Variants in VPS50 observed in about 807,000 individuals in gnomAD.
VPS50 encodes the protein VPS50 subunit of EARP/GARPII complex.
In VPS50, 70 loss-of-function variants were observed where a neutral mutation model predicts 139.7. That is an observed-to-expected ratio of 0.50 (90% CI 0.41 to 0.61). The LOEUF is 0.61. Ranked by LOEUF, VPS50 falls within the 20% of genes least tolerant of loss-of-function variation. VPS50 has a pLI of 0.00. For synonymous variants in VPS50, 365 were observed against 376.7 expected (o/e 0.97, Z 0.36); for missense variants, 921 against 1,133.7 (o/e 0.81, Z 2.69).
At chr7:93,345,574 C>T (rs936551924) in intron 23 of VPS50, among the ~76,000 whole-genome samples, 12 of 152,116 alleles carry the variant, frequency 7.9e-5, no homozygotes, top group Admixed American at 4.6e-4. Context: ...TGCAAAAATC[C>T]TTAATAAAAT....
chr7:93,287,629 G>A (rs1435187660), intron 12 of VPS50, among the ~76,000 whole-genome samples: 1 of 151,946 alleles, frequency 6.6e-6, no homozygotes, highest in African/African-American at 2.4e-5. Flanking sequence ...TTATCTACCA[G>A]AAAGAATGTT....
At chr7:93,331,885 C>T (rs1207965599) in intron 21 of VPS50, among the ~76,000 whole-genome samples, 1 of 152,024 alleles carries the variant, frequency 6.6e-6, no homozygotes, top group African/African-American at 2.4e-5. Context: ...AGAAAACAAC[C>T]CACGTAAAAA....
At chr7:93,343,740 G>A (rs912085830) in intron 23 of VPS50, among the ~76,000 whole-genome samples, 1 of 152,104 alleles carries the variant, frequency 6.6e-6, no homozygotes, top group Non-Finnish European at 1.5e-5. Flanking sequence ...AGCTTCATAA[G>A]TGAAGGAGAA....
rs1388332444 is a variant in VPS50, at chr7:93,283,251, G to A, written c.942+6946G>A. 5.5e-5 allele frequency among the ~76,000 whole-genome samples: 8 copies of A among 146,518 alleles called. No individual in the cohort carries two copies. The East Asian group carries it at 5.9e-4, about 11-fold the overall frequency. On this transcript the variant is annotated intron_variant, in intron 12 of 27. Coordinates refer to ENST00000305866, the MANE Select transcript of VPS50 (RefSeq NM_017667.4). ...CTTTTCTTTTTTTTTTTTTTGAGGC[G>A]GAGTCTCCCTCTGTTGCCTGGGCTG...
chr7:93,278,189 C>T (rs1482345886), intron 12 of VPS50, among the ~76,000 whole-genome samples: 1 of 152,146 alleles, frequency 6.6e-6, no homozygotes, highest in Non-Finnish European at 1.5e-5. Flanking sequence ...GAAAGCCCCT[C>T]TGTGCATTTA....
At chr7:93,246,005 A>G in intron 2 of VPS50, 2 of 710,308 alleles carry the variant, frequency 2.8e-6, no homozygotes, top group South Asian at 1.6e-5. Flanking sequence ...TGACTTTTGT[A>G]ATACTGACTG....
At chr7:93,250,837 C>A (rs10953094) in intron 2 of VPS50, among the ~76,000 whole-genome samples, 31,956 of 151,938 alleles carry the variant, frequency 0.21, 5,152 homozygotes, top group African/African-American at 0.43. Context: ...AGAAATTAAA[C>A]AAATTTACAA....
intron 14 of VPS50, among the ~76,000 whole-genome samples, chr7:93,296,503 C>T (rs1392687612): frequency 6.6e-6 from 1 of 152,116 alleles, no homozygotes. Context: ...ACTGACTTAG[C>T]ACTTTATGTA....
In VPS50 at chr7:93,253,936, GT is replaced by G; in HGVS notation, c.297+6del. The stretch of plus-strand genomic sequence containing the variant: ...TTGAAACAACAGCAAGCTGCAGTAA[GT>G]AAAAAAAAAACACATTTCTTTCTGG... On this transcript the variant is annotated splice_donor_region_variant and intron_variant, in intron 4 of 27. Transcript: ENST00000305866. 6.6e-7 allele frequency: 1 copy of G among 1,523,414 alleles called. No individual in the cohort carries two copies. The highest frequency in any genetic ancestry group is 9.0e-7 in the Non-Finnish European group (1 of 1,110,520). 94.4% of individuals were successfully genotyped at this position (1,523,414 alleles called of 1,614,324 possible).
At position 93,303,459 on chromosome 7, in the gene VPS50, G is replaced by T; in HGVS notation, c.1362-1G>T. 1.3e-6 allele frequency: 2 copies of T among 1,529,962 alleles called. No individual in the cohort carries two copies. The highest frequency in any genetic ancestry group is 1.2e-5 in the South Asian group (1 of 83,406). The allele number at this position is 1,529,962 out of a possible 1,614,324, so 94.8% of individuals were successfully genotyped here. A position where few individuals can be genotyped will look rare whatever the true frequency, so the allele number is the denominator to read the frequency against. On this transcript the variant is annotated splice_acceptor_variant, in intron 16 of 27. Transcript: ENST00000305866. LOFTEE classifies it high-confidence loss of function. ...TGGAGTGTTCATTTTCTTTTTTTAA[G>T]AACACGGCTCGATGAACTGAGAATG...
chr7:93,303,042 C>CTA (rs1797023237), intron 16 of VPS50, among the ~76,000 whole-genome samples: 1 of 151,804 alleles, frequency 6.6e-6, no homozygotes, highest in Admixed American at 6.6e-5. Flanking sequence ...TGGTTCAGAC[C>CTA]TGTGCTGTTT....
intron 21 of VPS50, among the ~76,000 whole-genome samples, chr7:93,325,699 C>T (rs1405103464): frequency 2.6e-5 from 4 of 151,980 alleles, no homozygotes; most frequent in Non-Finnish European, 4.4e-5. Context: ...TGAAAAAATG[C>T]TCACCATCAC....
At chr7:93,311,305 C>CAGTT (rs1380721825) in intron 20 of VPS50, 33 bp downstream of exon 20, 2 of 865,234 alleles carry the variant, frequency 2.3e-6, no homozygotes, top group Non-Finnish European at 4.0e-6. Context: ...AAAATTATAA[C>CAGTT]AGTTAAATTA....
chr7:93,239,998 T>C, intron 2 of VPS50, 64 bp downstream of exon 2: 2 of 928,406 alleles, frequency 2.2e-6, no homozygotes, highest in Non-Finnish European at 3.5e-6. Context: ...TGCCTCTGGA[T>C]AGTAATTGAT....
intron 23 of VPS50, among the ~76,000 whole-genome samples, chr7:93,342,219 C>G (rs572109654): frequency 5.1e-4 from 77 of 152,282 alleles, no homozygotes; most frequent in African/African-American, 1.8e-3. Flanking sequence ...TGGTGACAGA[C>G]GGCACCTGCA....
chr7:93,248,458 T>A (rs1795219673), intron 2 of VPS50, among the ~76,000 whole-genome samples: 1 of 152,086 alleles, frequency 6.6e-6, no homozygotes, highest in Non-Finnish European at 1.5e-5. Context: ...TTGCTTCTGT[T>A]TATTTTTCTA....
chr7:93,237,208 G>C (rs548693917), intron 1 of VPS50, among the ~76,000 whole-genome samples: 1 of 150,320 alleles, frequency 6.7e-6, no homozygotes, highest in South Asian at 2.1e-4. Flanking sequence ...CGCCCGCCTC[G>C]GCCTCCCAAA....
chr7:93,254,865 G>A (rs1263393255), intron 4 of VPS50, among the ~76,000 whole-genome samples: 1 of 152,054 alleles, frequency 6.6e-6, no homozygotes, highest in Non-Finnish European at 1.5e-5. Context: ...TTATCGGTTT[G>A]AATTTAAGAT....
chr7:93,264,559 G>A (rs1404310015), intron 9 of VPS50, among the ~76,000 whole-genome samples: 1 of 152,140 alleles, frequency 6.6e-6, no homozygotes. Context: ...CTTGAGTACT[G>A]TACTTTAACA....
Sources: gnomAD v4.1 joint callset for allele counts (sites outside exome capture counted in the v4.1 genomes callset) on GRCh38, gnomAD v4.1.1 for gene constraint, MANE v1.5 for transcripts, NCBI Gene and HGNC (gene_info 2026-07-23, HGNC 2026-07-21) for gene names.